Variants in ZNF324B observed in about 807,000 individuals in gnomAD.
ZNF324B encodes zinc finger protein 324B.
ZNF324B carries 7 observed loss-of-function variants against 10.6 expected under a neutral mutation model. The observed-to-expected ratio is 0.66, with a 90% CI of 0.38 to 1.24. ZNF324B has a LOEUF of 1.24. ZNF324B is among the 50% of genes most tolerant of loss of function. ZNF324B has a pLI of 0.02. For missense variants in ZNF324B, 640 were observed against 764.7 expected (o/e 0.84, Z 1.92); for synonymous variants, 316 against 321.0 (o/e 0.98, Z 0.17).
In ZNF324B at chr19:58,456,182, T is replaced by G; in HGVS notation, c.1238T>G (p.Phe413Cys). 1.2e-6 allele frequency: 2 copies of G among 1,613,104 alleles called. No homozygotes were observed. Among genetic ancestry groups the G allele is most frequent in the Non-Finnish European group, 1.7e-6 (2 of 1,179,728 alleles). ...GCCTTCAGCCAGGGCTCCTCGCTCTTTTTGCACCAGCGCGTGCACACAGGC... is the reference window on the plus strand; with the variant it reads ...GCCTTCAGCCAGGGCTCCTCGCTCTGTTTGCACCAGCGCGTGCACACAGGC... ...GAAFSQGSSLFLHQRVHTGEK... is the reference protein window; with the variant it reads ...GAAFSQGSSLCLHQRVHTGEK... The change falls in exon 4 of 4, where the codon TTT becomes TGT. Residue 413 changes from phenylalanine (F) to cysteine (C), a missense_variant. Around this residue, in one of 3 missense-constraint regions of ZNF324B, gnomAD observed 238 missense variants for 258.0 expected, o/e 0.92. Transcript: ENST00000336614. The surrounding 1 kb of genome is among the most constrained non-coding windows in gnomAD (Gnocchi z 4.7).
the ZNF324B span, among the ~76,000 whole-genome samples, chr19:58,426,489 G>T: frequency 8.5e-5 from 13 of 152,150 alleles, no homozygotes; most frequent in African/African-American, 3.1e-4. Flanking sequence ...GCCCCAGATC[G>T]CACAATTTAT....
At chr19:58,432,480 C>T in the ZNF324B span, among the ~76,000 whole-genome samples, 2 of 152,172 alleles carry the variant, frequency 1.3e-5, no homozygotes, top group Non-Finnish European at 2.9e-5. Context: ...ACCTCACATC[C>T]AGTGTTTCTC....
chr19:58,456,556 G>A lies in ZNF324B; in HGVS notation c.1612G>A (p.Val538Ile). The A allele has an allele frequency of 1.2e-6, 2 of 1,614,018 alleles. No homozygotes were observed. Residue 538 changes from valine (V) to isoleucine (I), a missense_variant, in exon 4 of 4, where the codon GTC becomes ATC. Physicochemically the swap from Val to Ile is conservative, Grantham distance 29 (BLOSUM62 3). This residue lies in a region of ZNF324B where 238 missense variants were observed against 258.0 expected (regional missense o/e 0.92). Coordinates refer to ENST00000336614, the MANE Select transcript of ZNF324B (RefSeq NM_207395.3). The surrounding 1 kb of genome is among the most constrained non-coding windows in gnomAD (Gnocchi z 4.7). ...KVRRGGKPSP[V>I]LKPAKV is the part of the protein sequence containing the mutation. ...GCGCCGGGGAGGGAAGCCAAGCCCA[G>A]TCCTGAAGCCAGCGAAGGTCTGAGG...
In ZNF324B at chr19:58,455,950, ACGGCCGAGAAGTCCTTC is replaced by A; in HGVS notation, c.1009_1025del (p.Ala337LeufsTer93). Reference sequence around the variant, plus strand: ...GCTGGTGCGGCACCAGCGCATCCACACGGCCGAGAAGTCCTTCCGCTGCTCCGAGTGCGGCAAGGCCT... The same window carrying A: ...GCTGGTGCGGCACCAGCGCATCCACACGCTGCTCCGAGTGCGGCAAGGCCT... On this transcript the variant is annotated frameshift_variant, in exon 4 of 4. Transcript: ENST00000336614. LOFTEE classifies it low-confidence loss of function (END_TRUNC). This position sits in a 1 kb window ranked among gnomAD's most constrained non-coding sequence, Gnocchi z 7.0. 6.3e-7 allele frequency: 1 copy of A among 1,593,828 alleles called. No individual in the cohort carries two copies. The highest frequency in any genetic ancestry group is 2.3e-5 in the East Asian group (1 of 44,140).
At chr19:58,424,196 C>G in the ZNF324B span, among the ~76,000 whole-genome samples, 1 of 152,124 alleles carries the variant, frequency 6.6e-6, no homozygotes, top group South Asian at 2.1e-4. Context: ...TTGCAGTGAG[C>G]TGAGATCGCA....
chr19:58,450,890 G>GA (rs1278212530), upstream of ZNF324B, among the ~76,000 whole-genome samples: 13 of 152,144 alleles, frequency 8.5e-5, no homozygotes, highest in East Asian at 1.9e-4. Context: ...TTGGTCCAGA[G>GA]AAAAAAGGAA....
chr19:58,453,068 C>T (rs2052876685), intron 1 of ZNF324B: 1 of 149,108 alleles, frequency 6.7e-6, no homozygotes, highest in Admixed American at 6.9e-5. Context: ...GAGTGAGACT[C>T]CGTCTCCAAA....
upstream of ZNF324B, among the ~76,000 whole-genome samples, chr19:58,446,785 C>T (rs769353104): frequency 7.2e-5 from 11 of 151,998 alleles, no homozygotes; most frequent in East Asian, 1.9e-4. Context: ...CCATGTTGGC[C>T]AAGATGGTCT....
rs2052900446 is a variant in ZNF324B, at chr19:58,455,067, C to T, written c.239-116C>T. On this transcript the variant is annotated intron_variant, in intron 3 of 3. Coordinates refer to ENST00000336614, the MANE Select transcript of ZNF324B (RefSeq NM_207395.3). The surrounding 1 kb of genome is among the most constrained non-coding windows in gnomAD (Gnocchi z 7.0). ...TCCTGCAGAGCCAGCCTCACCTCTT[C>T]TTTTTCCCTAAGCTTTTGTCCCGGC... is the stretch of plus-strand genomic sequence containing the variant. 2.1e-6 allele frequency: 3 copies of T among 1,438,468 alleles called. No individual in the cohort carries two copies. Among genetic ancestry groups the T allele is most frequent in the African/African-American group, 1.5e-5 (1 of 68,320 alleles). 89.1% of individuals were successfully genotyped at this position (1,438,468 alleles called of 1,614,324 possible). A position where few individuals can be genotyped will look rare whatever the true frequency, so the allele number is the denominator to read the frequency against.
the ZNF324B span, among the ~76,000 whole-genome samples, chr19:58,419,556 C>A: frequency 6.6e-6 from 1 of 152,208 alleles, no homozygotes; most frequent in African/African-American, 2.4e-5. Context: ...TTATTTGTGT[C>A]AAGGTCACTG....
chr19:58,450,750 T>C (rs1177558640), upstream of ZNF324B, among the ~76,000 whole-genome samples: 1 of 152,188 alleles, frequency 6.6e-6, no homozygotes, highest in Non-Finnish European at 1.5e-5. Flanking sequence ...GAGAACTGTC[T>C]AAGGATCCTA....
At chr19:58,419,358 GGGGCCTGTT>G in the ZNF324B span, 1 of 152,192 alleles carries the variant, frequency 6.6e-6, no homozygotes, top group Non-Finnish European at 1.5e-5. Flanking sequence ...AAGACCTATA[GGGGCCTGTT>G]GGGTAGAGTA....
chr19:58,442,669 C>T, the ZNF324B span: 2 of 152,350 alleles, frequency 1.3e-5, no homozygotes, highest in African/African-American at 4.8e-5. Flanking sequence ...GGTTCGTGGT[C>T]TCGCTGACCT....
At chr19:58,422,835 T>C in the ZNF324B span, among the ~76,000 whole-genome samples, 2 of 152,078 alleles carry the variant, frequency 1.3e-5, no homozygotes, top group Admixed American at 1.3e-4. Context: ...TGGAAAAACA[T>C]ATGCTCATGG....
the ZNF324B span, among the ~76,000 whole-genome samples, chr19:58,438,256 C>A: frequency 6.6e-6 from 1 of 152,178 alleles, no homozygotes; most frequent in Non-Finnish European, 1.5e-5. Flanking sequence ...CAACCCACAA[C>A]TGCATGCAGT....
chr19:58,422,020 C>T, the ZNF324B span, among the ~76,000 whole-genome samples: 1 of 152,044 alleles, frequency 6.6e-6, no homozygotes, highest in African/African-American at 2.4e-5. Flanking sequence ...CGGGTTCAAG[C>T]GATTCGCCTG....
the ZNF324B span, chr19:58,435,580 C>A: frequency 5.7e-6 from 1 of 176,428 alleles, no homozygotes; most frequent in Non-Finnish European, 1.2e-5. Context: ...TTCACATCCA[C>A]TAGCATAGCT....
chr19:58,446,086 G>T, the ZNF324B span, among the ~76,000 whole-genome samples: 7 of 152,338 alleles, frequency 4.6e-5, no homozygotes, highest in East Asian at 1.9e-4. Context: ...AGTGAGCCAA[G>T]ATCATGCCAC....
chr19:58,439,819 C>A, the ZNF324B span: 1 of 1,543,890 alleles, frequency 6.5e-7, no homozygotes, highest in Non-Finnish European at 8.7e-7. Context: ...TGGGCAGGGC[C>A]ATAACAGGAG....
Sources: allele counts gnomAD v4.1 joint callset (sites outside exome capture counted in the v4.1 genomes callset), GRCh38; gene constraint gnomAD v4.1.1; regional missense constraint gnomAD v4.1.1; non-coding constraint Gnocchi (gnomAD v3.1); transcripts MANE v1.5; gene names NCBI Gene and HGNC (gene_info 2026-07-23, HGNC 2026-07-21).